The following ZIM2 variants were observed in gnomAD, a reference collection of about 807,000 sequenced individuals.
ZIM2 encodes the protein zinc finger protein 656.
A neutral mutation model predicts 38.6 loss-of-function variants in ZIM2; 14 were observed. The ratio of observed to expected loss-of-function variants is 0.36; its 90% CI spans 0.24 to 0.57. ZIM2 has a LOEUF of 0.57. ZIM2 is among the 20% of genes least tolerant of loss of function. The probability of loss-of-function intolerance (pLI) is 0.81; values close to 1 mark genes in which losing one functional copy is unlikely to be tolerated. For missense variants in ZIM2, 680 were observed against 695.1 expected, an observed-to-expected ratio of 0.98 and a Z score of 0.24; for synonymous variants, 247 against 245.8, an observed-to-expected ratio of 1.00 and a Z score of -0.04.
intron 9 of ZIM2, among the ~76,000 whole-genome samples, chr19:56,806,802 A>C (rs928697261): frequency 7.9e-5 from 12 of 152,148 alleles, no homozygotes; most frequent in African/African-American, 2.9e-4. Flanking sequence ...AAGATGTGCA[A>C]GGGAGCTACC....
chr19:56,782,374 A>C lies in ZIM2; in HGVS notation c.571-253T>G, dbSNP rs567469548. On this transcript the variant is annotated intron_variant, in intron 10 of 12. Transcript: ENST00000629319. The stretch of plus-strand genomic sequence containing the variant: ...TTATAAAGACAGAATGCAAGCATGC[A>C]AATACTTAAAAGCTCAGCAGTATAC... 4 of 489,744 alleles carry C rather than the reference A, an allele frequency of 8.2e-6. No homozygotes were observed. In the East Asian group the frequency reaches 1.5e-4, roughly 19 times the overall value. 30.3% of individuals were successfully genotyped at this position (489,744 alleles called of 1,614,324 possible).
At chr19:56,806,086 AATAG>A (rs1009238456) in intron 9 of ZIM2, among the ~76,000 whole-genome samples, 2 of 152,270 alleles carry the variant, frequency 1.3e-5, no homozygotes. Context: ...GTATATATAT[AATAG>A]AGTGTGCAAA....
At chr19:56,795,867 C>A (rs1180083960) in intron 9 of ZIM2, among the ~76,000 whole-genome samples, 1 of 152,018 alleles carries the variant, frequency 6.6e-6, no homozygotes, top group Non-Finnish European at 1.5e-5. Context: ...AACAAAACAA[C>A]AAAAAAACTA....
chr19:56,829,309 G>A (rs886649467), intron 2 of ZIM2, among the ~76,000 whole-genome samples: 33 of 141,908 alleles, frequency 2.3e-4, no homozygotes, highest in Middle Eastern at 4.3e-3. Flanking sequence ...GCACCACTGC[G>A]CTCCAGCCTG....
At chr19:56,833,388 C>G (rs2061764447) in intron 2 of ZIM2, 1 of 348,258 alleles carries the variant, frequency 2.9e-6, no homozygotes, top group African/African-American at 2.1e-5. Context: ...GGTCTCGTCT[C>G]TCTTCTTGTT....
At chr19:56,812,778 T>A in intron 9 of ZIM2, 1 of 984,416 alleles carries the variant, frequency 1.0e-6, no homozygotes, top group Non-Finnish European at 1.2e-6. Context: ...AAGCTTCGGG[T>A]TTTATCAATT....
intron 9 of ZIM2, among the ~76,000 whole-genome samples, chr19:56,806,802 AG>A (rs1194657043): frequency 1.3e-5 from 2 of 152,148 alleles, no homozygotes; most frequent in African/African-American, 4.8e-5. Context: ...AAGATGTGCA[AG>A]GGAGCTACCT....
At chr19:56,828,312 G>A (rs1312543275) in intron 2 of ZIM2, among the ~76,000 whole-genome samples, 1 of 152,154 alleles carries the variant, frequency 6.6e-6, no homozygotes, top group African/African-American at 2.4e-5. Flanking sequence ...AAATACTTAT[G>A]ATATTGCAGT....
chr19:56,840,097 TTTTCGCA>T (rs1486865423), intron 1 of ZIM2, among the ~76,000 whole-genome samples: 2 of 152,176 alleles, frequency 1.3e-5, no homozygotes, highest in African/African-American at 4.8e-5. Flanking sequence ...GGAAGGGGCA[TTTTCGCA>T]GCCCCCAGAC....
At chr19:56,829,357 A>T (rs940906303) in intron 2 of ZIM2, among the ~76,000 whole-genome samples, 1 of 152,074 alleles carries the variant, frequency 6.6e-6, no homozygotes, top group African/African-American at 2.4e-5. Context: ...AAAAAAAAAA[A>T]AAAAGTCAGC....
At chr19:56,801,787 CTCTCA>C (rs1273781313) in intron 9 of ZIM2, among the ~76,000 whole-genome samples, 1 of 152,172 alleles carries the variant, frequency 6.6e-6, no homozygotes, top group East Asian at 1.9e-4. Flanking sequence ...GAGCTCGATG[CTCTCA>C]TCTCAAGACT....
At chr19:56,829,485 C>T (rs948620486) in intron 2 of ZIM2, among the ~76,000 whole-genome samples, 9 of 152,036 alleles carry the variant, frequency 5.9e-5, no homozygotes, top group African/African-American at 9.7e-5. Flanking sequence ...TGGGAAGGGA[C>T]GAGCACCACT....
At chr19:56,775,867 C>T (rs533520318) in intron 12 of ZIM2, among the ~76,000 whole-genome samples, 5 of 151,976 alleles carry the variant, frequency 3.3e-5, no homozygotes, top group Middle Eastern at 3.4e-3. Context: ...CTTGGGAGGC[C>T]GAGATGGGCG....
rs1163560491 is a variant in ZIM2 at position 56,835,419 on chromosome 19, TCAA to T, written c.-227+596_-227+598del. 3.9e-5 allele frequency among the ~76,000 whole-genome samples: 6 copies of T among 152,104 alleles called. No individual in the cohort carries two copies. The East Asian group carries it at 1.2e-3, about 29-fold the overall frequency. On this transcript the variant is annotated intron_variant, in intron 2 of 12. Coordinates refer to ENST00000629319, the MANE Select transcript of ZIM2 (RefSeq NM_001387356.1). Reference sequence around the variant, plus strand: ...TTTTCAGCTCCTCTCTCTGCATCTCTCAACAACAACCCTATCCCCTCTGCTGAG... The same window carrying T: ...TTTTCAGCTCCTCTCTCTGCATCTCTCAACAACCCTATCCCCTCTGCTGAG...
At chr19:56,784,864 C>T (rs2046515829) in intron 10 of ZIM2, among the ~76,000 whole-genome samples, 1 of 152,128 alleles carries the variant, frequency 6.6e-6, no homozygotes, top group African/African-American at 2.4e-5. Flanking sequence ...CAGAACATTA[C>T]ATAAGACTCT....
At chr19:56,816,769 C>T in intron 9 of ZIM2, 2 of 1,614,054 alleles carry the variant, frequency 1.2e-6, no homozygotes, top group East Asian at 4.5e-5. Flanking sequence ...TTTGTCTTTG[C>T]CATATATTTT....
intron 1 of ZIM2, among the ~76,000 whole-genome samples, chr19:56,838,939 C>T (rs2062576760): frequency 6.6e-6 from 1 of 151,952 alleles, no homozygotes; most frequent in African/African-American, 2.4e-5. Flanking sequence ...CTTGAACAGA[C>T]CGTCCCGCCC....
rs189085742 is a variant in ZIM2 at position 56,787,890 on chromosome 19, T to A, written c.570+1982A>T. 9.8e-3 allele frequency among the ~76,000 whole-genome samples: 1,491 copies of A among 152,152 alleles called. 17 individuals are homozygous for A. The highest frequency in any genetic ancestry group is 0.018 in the Admixed American group (274 of 15,288). Reference sequence around the variant, plus strand: ...TTTATTTGTGTAGAGGTGTTTATAGTATTCTCTCATGGTAGTTTGTATTTC... The same window carrying A: ...TTTATTTGTGTAGAGGTGTTTATAGAATTCTCTCATGGTAGTTTGTATTTC... On this transcript the variant is annotated intron_variant, in intron 10 of 12. Transcript: ENST00000629319.
intron 9 of ZIM2, chr19:56,813,353 A>G (rs2059673583): frequency 9.0e-7 from 1 of 1,115,744 alleles, no homozygotes. Flanking sequence ...TATACGTTAC[A>G]CAAGTGTCAT....
Sources: gnomAD v4.1 joint callset for allele counts (sites outside exome capture counted in the v4.1 genomes callset) on GRCh38, gnomAD v4.1.1 for gene constraint, MANE v1.5 for transcripts, NCBI Gene and HGNC (gene_info 2026-07-23, HGNC 2026-07-21) for gene names.